USP24: variants seen among roughly 807,000 people sequenced by gnomAD.
The protein encoded by USP24 is ubiquitin carboxyl-terminal hydrolase 24.
A neutral mutation model predicts 361.6 loss-of-function variants in USP24; 97 were observed. The ratio of observed to expected loss-of-function variants is 0.27; its 90% CI spans 0.23 to 0.32. The LOEUF is 0.32. USP24 is among the 10% of genes least tolerant of loss of function. The probability of loss-of-function intolerance (pLI) is 1.00; values close to 1 mark genes in which losing one functional copy is unlikely to be tolerated. For synonymous variants in USP24, 1,098 were observed against 1,124.6 expected, an observed-to-expected ratio of 0.98 and a Z score of 0.47; for missense variants, 2,353 against 3,165.6, an observed-to-expected ratio of 0.74 and a Z score of 6.16.
At chr1:55,069,286 CAT>C (rs537607587) in intron 67 of USP24, among the ~76,000 whole-genome samples, 179 bp from the exon 68 acceptor site, 147 of 152,320 alleles carry the variant, frequency 9.7e-4, no homozygotes, top group African/African-American at 3.3e-3. Context: ...TTATGTAAAA[CAT>C]GTACATTTCT....
chr1:55,173,649 A>C (rs139342156), intron 3 of USP24, among the ~76,000 whole-genome samples: 15 of 152,352 alleles, frequency 9.8e-5, no homozygotes, highest in Non-Finnish European at 1.8e-4. Flanking sequence ...AGCAGGCTGG[A>C]AGAGCCCAAA....
At chr1:55,096,669 C>A in intron 49 of USP24, 47 bp from the exon 50 acceptor site, 2 of 1,577,708 alleles carry the variant, frequency 1.3e-6, no homozygotes, top group Non-Finnish European at 1.7e-6. Context: ...AAAAAATCAA[C>A]CTCCTCATCC....
chr1:55,095,227 C>T, intron 51 of USP24, 28 bp downstream of exon 51: 5 of 1,609,382 alleles, frequency 3.1e-6, no homozygotes, highest in Non-Finnish European at 4.2e-6. Flanking sequence ...AGAAATCACA[C>T]AGCAAATTAC....
At chr1:55,176,998 G>A (rs1469785327) in intron 2 of USP24, among the ~76,000 whole-genome samples, 1 of 151,808 alleles carries the variant, frequency 6.6e-6, no homozygotes, top group Non-Finnish European at 1.5e-5. Context: ...GGCTGAGGTA[G>A]GAGGATCACT....
intron 1 of USP24, among the ~76,000 whole-genome samples, chr1:55,190,073 G>A (rs1403961832): frequency 1.4e-5 from 2 of 143,614 alleles, no homozygotes; most frequent in Non-Finnish European, 1.5e-5. Context: ...GCTGAGGCAG[G>A]AGAATTGCTT....
chr1:55,145,587 A>T (rs1010291653), intron 20 of USP24, among the ~76,000 whole-genome samples: 2 of 152,224 alleles, frequency 1.3e-5, no homozygotes, highest in African/African-American at 4.8e-5. Context: ...TGAAGGTTAC[A>T]TAATTTTGTG....
chr1:55,128,875 C>G (rs961670461), intron 32 of USP24, among the ~76,000 whole-genome samples: 1 of 151,864 alleles, frequency 6.6e-6, no homozygotes, highest in East Asian at 1.9e-4. Context: ...TCATCACACT[C>G]AACTATTTTT....
chr1:55,087,857 C>G (rs1645286178), intron 55 of USP24, among the ~76,000 whole-genome samples: 1 of 152,198 alleles, frequency 6.6e-6, no homozygotes. Flanking sequence ...ACGCTGATGT[C>G]TGAAGGAGAA....
chr1:55,133,362 C>G (rs1646644596), intron 30 of USP24, among the ~76,000 whole-genome samples: 1 of 152,076 alleles, frequency 6.6e-6, no homozygotes, highest in South Asian at 2.1e-4. Context: ...TTTATATTAG[C>G]AACTCAGACA....
chr1:55,104,476 T>G (rs1048614074), intron 41 of USP24, among the ~76,000 whole-genome samples: 2 of 151,998 alleles, frequency 1.3e-5, no homozygotes, highest in Non-Finnish European at 2.9e-5. Context: ...ATGAAAAAAA[T>G]GGAGACAAAA....
intron 1 of USP24, among the ~76,000 whole-genome samples, chr1:55,189,896 G>A (rs1250377101): frequency 1.3e-5 from 2 of 151,928 alleles, no homozygotes; most frequent in African/African-American, 4.8e-5. Flanking sequence ...GGCCAGGCAC[G>A]GTGACTCATG....
chr1:55,143,554 G>C (rs1437261920), intron 21 of USP24, among the ~76,000 whole-genome samples: 2 of 151,978 alleles, frequency 1.3e-5, no homozygotes, highest in Non-Finnish European at 2.9e-5. Context: ...CCCAGGGCTT[G>C]TAAAATCTTG....
At chr1:55,111,596 C>A (rs878943211) in intron 38 of USP24, among the ~76,000 whole-genome samples, 1 of 152,078 alleles carries the variant, frequency 6.6e-6, no homozygotes, top group Non-Finnish European at 1.5e-5. Context: ...GAAGAAATTT[C>A]TACAGCTTTT....
At chr1:55,188,964 C>CAAAAAAAAAAAAAAAA (rs533085761) in intron 1 of USP24, among the ~76,000 whole-genome samples, 25 of 74,384 alleles carry the variant, frequency 3.4e-4, no homozygotes, top group African/African-American at 1.3e-3. Flanking sequence ...AACTCCATCT[C>CAAAAAAAAAAAAAAAA]AAAAAAAAAA....
At chr1:55,171,827 G>T in intron 4 of USP24, 149 bp from the exon 5 acceptor site, 2 of 871,606 alleles carry the variant, frequency 2.3e-6, no homozygotes, top group South Asian at 1.9e-5. Context: ...CTTAGCTAGT[G>T]CAAAAGTGCT....
chr1:55,150,474 C>T (rs1040126183), intron 16 of USP24, among the ~76,000 whole-genome samples: 1 of 152,106 alleles, frequency 6.6e-6, no homozygotes, highest in African/African-American at 2.4e-5. Context: ...TCTGGCTACA[C>T]TATAAAAGTT....
chr1:55,189,837 C>T (rs1472501186), intron 1 of USP24, among the ~76,000 whole-genome samples: 1 of 152,032 alleles, frequency 6.6e-6, no homozygotes, highest in Non-Finnish European at 1.5e-5. Flanking sequence ...AAATCTAACA[C>T]ATATGGCAAT....
Position 55,071,799 on chromosome 1 carries a change from T to G in USP24, c.7800+15A>C. 1 of 1,605,628 alleles carries G rather than the reference T, an allele frequency of 6.2e-7. No individual in the cohort carries two copies. The highest frequency in any genetic ancestry group is 8.5e-7 in the Non-Finnish European group (1 of 1,175,250). On this transcript the variant is annotated intron_variant, in intron 67 of 67. Transcript: ENST00000294383. The stretch of plus-strand genomic sequence containing the variant: ...AGGCTGCCCTTTGCACACAAGGACA[T>G]GCTGACCGTTATACCTGCTGTAGAT...
intron 38 of USP24, among the ~76,000 whole-genome samples, chr1:55,114,315 G>C (rs1208232699): frequency 6.6e-6 from 1 of 152,184 alleles, no homozygotes; most frequent in Non-Finnish European, 1.5e-5. Context: ...TGGCCACGCT[G>C]CCCAAAGTAA....
Sources: gnomAD v4.1 joint callset for allele counts (sites outside exome capture counted in the v4.1 genomes callset) on GRCh38, gnomAD v4.1.1 for gene constraint, MANE v1.5 for transcripts, NCBI Gene and HGNC (gene_info 2026-07-23, HGNC 2026-07-21) for gene names.